PMPCB: variants seen among roughly 807,000 people sequenced by gnomAD.
PMPCB encodes the protein mitochondrial-processing peptidase subunit beta.
A neutral mutation model predicts 61.5 loss-of-function variants in PMPCB; 46 were observed. The ratio of observed to expected loss-of-function variants is 0.75; its 90% CI spans 0.59 to 0.96. The LOEUF (loss-of-function observed/expected upper bound fraction) is 0.96. Among genes scored for constraint, PMPCB ranks in the 40% least tolerant of loss-of-function variants. The pLI is 0.00. For missense variants in PMPCB, 590 were observed against 602.4 expected, an observed-to-expected ratio of 0.98 and a Z score of 0.22; for synonymous variants, 191 against 201.6, an observed-to-expected ratio of 0.95 and a Z score of 0.44.
chr7:103,323,577 A>G, intron 12 of PMPCB: 1 of 1,442,170 alleles, frequency 6.9e-7, no homozygotes, highest in Non-Finnish European at 9.3e-7. Context: ...ACCTTCCATT[A>G]TTAATGATTT....
chr7:103,338,348 G>A, the PMPCB span, among the ~76,000 whole-genome samples: 1 of 150,086 alleles, frequency 6.7e-6, no homozygotes, highest in Non-Finnish European at 1.5e-5. Flanking sequence ...CCAGGCTGGA[G>A]TGCAGTGGTG....
rs1817354573 is a variant in PMPCB at position 103,298,478 on chromosome 7, T to C, written c.100-90T>C. 12 of 1,291,958 alleles carry C rather than the reference T, an allele frequency of 9.3e-6. No homozygotes were observed. The East Asian group carries it at 2.8e-4, about 30-fold the overall frequency. The allele number at this position is 1,291,958 out of a possible 1,614,324, so 80.0% of individuals were successfully genotyped here. ...AAGATTCTTTTATAGAGACAGCCTA[T>C]TTAAAATAGATTTGGTTTTAAAAGC... On this transcript the variant is annotated intron_variant, in intron 1 of 12. Coordinates refer to ENST00000249269, the MANE Select transcript of PMPCB (RefSeq NM_004279.3).
chr7:103,337,380 C>T, the PMPCB span: 3 of 165,656 alleles, frequency 1.8e-5, no homozygotes, highest in East Asian at 5.0e-4. Context: ...AAAAAAAAAC[C>T]AAAAACCAAA....
chr7:103,346,818 A>ATGTGTGTGTG, the PMPCB span, among the ~76,000 whole-genome samples: 39 of 150,190 alleles, frequency 2.6e-4, no homozygotes, highest in Non-Finnish European at 3.6e-4. Context: ...AGGCTGAATA[A>ATGTGTGTGTG]TGTGTGTGTG....
At chr7:103,330,625 T>A (rs567711755), downstream of PMPCB, among the ~76,000 whole-genome samples, 1 of 151,972 alleles carries the variant, frequency 6.6e-6, no homozygotes, top group African/African-American at 2.4e-5. Context: ...CTAATTTTTA[T>A]ATTTTTAGTA....
Position 103,312,483 on chromosome 7 carries a change from A to G in PMPCB, c.*212A>G. ...TATGTTGGAAGCAGCATACTTTCAAATTATTACCATGAGTATAATTTTAAG... is the reference window on the plus strand; with the variant it reads ...TATGTTGGAAGCAGCATACTTTCAAGTTATTACCATGAGTATAATTTTAAG... On this transcript the variant is annotated 3_prime_UTR_variant, in exon 13 of 13. Coordinates refer to ENST00000249269, the MANE Select transcript of PMPCB (RefSeq NM_004279.3). 1 of 1,560,848 alleles carries G rather than the reference A, an allele frequency of 6.4e-7. No individual in the cohort carries two copies. The highest frequency in any genetic ancestry group is 1.2e-5 in the South Asian group (1 of 81,752).
At chr7:103,320,534 G>A (rs1818328106) in intron 12 of PMPCB, among the ~76,000 whole-genome samples, 1 of 151,754 alleles carries the variant, frequency 6.6e-6, no homozygotes, top group Admixed American at 6.6e-5. Flanking sequence ...GCCGAGGCAG[G>A]CGGATCGTGA....
chr7:103,310,617 A>G (rs1269567346), intron 9 of PMPCB, 142 bp downstream of exon 9: 1 of 556,964 alleles, frequency 1.8e-6, no homozygotes, highest in East Asian at 3.4e-5. Context: ...CATGTTTTCA[A>G]AGGTTGCAGT....
chr7:103,324,797 A>G, intron 12 of PMPCB: 1 of 281,260 alleles, frequency 3.6e-6, no homozygotes, highest in East Asian at 7.9e-5. Flanking sequence ...ACAACGGGAC[A>G]GACTTCTAAT....
At position 103,313,081 on chromosome 7, in the gene PMPCB, G is replaced by A; in HGVS notation, c.*810G>A. On this transcript the variant is annotated 3_prime_UTR_variant, in exon 13 of 13. Transcript: ENST00000249269. ...AGCTTCTGTTCTTCTGTTGTCCAAGGGGTGAAGTCTGTATATGGACCTGAT... is the reference window on the plus strand; with the variant it reads ...AGCTTCTGTTCTTCTGTTGTCCAAGAGGTGAAGTCTGTATATGGACCTGAT... 4 of 1,613,340 alleles carry A rather than the reference G, an allele frequency of 2.5e-6. No individual in the cohort carries two copies. The highest frequency in any genetic ancestry group is 3.4e-6 in the Non-Finnish European group (4 of 1,179,756).
rs1817423173 is a variant in PMPCB at position 103,300,595 on chromosome 7, T to G, written c.457+288T>G. Among the ~76,000 whole-genome samples, 3 of 152,234 alleles carry G rather than the reference T, an allele frequency of 2.0e-5. No homozygotes were observed. In the South Asian group the frequency reaches 6.2e-4, roughly 31 times the overall value. On this transcript the variant is annotated intron_variant, in intron 4 of 12. Coordinates refer to ENST00000249269, the MANE Select transcript of PMPCB (RefSeq NM_004279.3). Reference sequence around the variant, plus strand: ...TTTGTTAGTTACCATGTTTGTAGACTGTTTTGACTCTCTTAAAAGTTATTA... The same window carrying G: ...TTTGTTAGTTACCATGTTTGTAGACGGTTTTGACTCTCTTAAAAGTTATTA...
intron 9 of PMPCB, 97 bp downstream of exon 9, chr7:103,310,572 C>T: frequency 1.0e-6 from 1 of 963,186 alleles, no homozygotes. Flanking sequence ...GTAATTTTAC[C>T]TTTTAATTAA....
At chr7:103,298,804 A>T (rs1817367171) in intron 2 of PMPCB, 96 bp downstream of exon 2, 1 of 1,166,308 alleles carries the variant, frequency 8.6e-7, no homozygotes. Flanking sequence ...TGGTGGTTCA[A>T]AAAGGGTGAC....
At chr7:103,341,214 T>C in the PMPCB span, among the ~76,000 whole-genome samples, 1 of 152,178 alleles carries the variant, frequency 6.6e-6, no homozygotes, top group South Asian at 2.1e-4. Context: ...TTGCCCCCTT[T>C]CAAGCAATTT....
At chr7:103,347,097 A>C in the PMPCB span, among the ~76,000 whole-genome samples, 3 of 152,166 alleles carry the variant, frequency 2.0e-5, no homozygotes, top group Non-Finnish European at 2.9e-5. Flanking sequence ...CAGTTGCACC[A>C]TTTTATCATT....
intron 3 of PMPCB, among the ~76,000 whole-genome samples, chr7:103,299,948 A>T (rs1429642034): frequency 6.6e-6 from 1 of 151,992 alleles, no homozygotes; most frequent in Non-Finnish European, 1.5e-5. Flanking sequence ...TTTCATAGAG[A>T]TAGGGTTTTG....
chr7:103,322,256 A>G (rs1818462081), intron 12 of PMPCB, among the ~76,000 whole-genome samples: 2 of 152,296 alleles, frequency 1.3e-5, no homozygotes, highest in East Asian at 3.9e-4. Flanking sequence ...ATAAACATTT[A>G]TTAGAAAATG....
At chr7:103,317,960 TTAAA>T (rs56051393), downstream of PMPCB, among the ~76,000 whole-genome samples, 150,383 of 152,224 alleles carry the variant, frequency 0.99, 74,312 homozygotes, top group African/African-American at 1. Flanking sequence ...GTGCAGATTC[TTAAA>T]TAAATAAGAT....
chr7:103,316,024 C>T, downstream of PMPCB: 1 of 1,602,814 alleles, frequency 6.2e-7, no homozygotes, highest in African/African-American at 1.3e-5. Context: ...CCAATAACAT[C>T]TTTGGCAGTT....
Sources: gnomAD v4.1 joint callset for allele counts (sites outside exome capture counted in the v4.1 genomes callset) on GRCh38, gnomAD v4.1.1 for gene constraint, MANE v1.5 for transcripts, NCBI Gene and HGNC (gene_info 2026-07-23, HGNC 2026-07-21) for gene names.